The following HAUS7 variants were observed in gnomAD, a reference collection of about 807,000 sequenced individuals.
The protein encoded by HAUS7 is HAUS augmin-like complex subunit 7.
Under a neutral mutation model 28.4 loss-of-function variants are expected in HAUS7, and 3 were observed. The ratio of observed to expected loss-of-function variants is 0.11; its 90% confidence interval spans 0.05 to 0.27. HAUS7 has a LOEUF of 0.27. Among genes scored for constraint, HAUS7 ranks in the 10% least tolerant of loss-of-function variants. The probability of loss-of-function intolerance (pLI) is 1.00; values close to 1 mark genes in which losing one functional copy is unlikely to be tolerated. For missense variants in HAUS7, 284 were observed against 297.3 expected, an observed-to-expected ratio of 0.96 and a Z score of 0.33; for synonymous variants, 165 against 132.1, an observed-to-expected ratio of 1.25 and a Z score of -1.71.
chrX:153,467,635 T>G (rs1177945131), intron 2 of HAUS7, among the ~76,000 whole-genome samples: 1 of 112,426 alleles, frequency 8.9e-6, no homozygotes, highest in Non-Finnish European at 1.9e-5. Context: ...GTGCATCATT[T>G]CTGCTGAACC....
chrX:153,471,502 C>T (rs1173461895), upstream of HAUS7, among the ~76,000 whole-genome samples: 1 of 112,676 alleles, frequency 8.9e-6, no homozygotes, highest in Non-Finnish European at 1.9e-5. Context: ...TCAGTCGCTC[C>T]TCCCCCAGAC....
intron 8 of HAUS7, 65 bp from the exon 9 acceptor site, chrX:153,454,573 T>A: frequency 1.6e-6 from 1 of 627,780 alleles, no homozygotes; most frequent in Non-Finnish European, 2.5e-6. Context: ...ATGCCGCTGG[T>A]CTCACGTAGC....
At chrX:153,451,097 C>T (rs1246652909) in intron 9 of HAUS7, among the ~76,000 whole-genome samples, 5 of 112,091 alleles carry the variant, frequency 4.5e-5, no homozygotes, top group African/African-American at 1.6e-4. Flanking sequence ...CCAAAGTGGC[C>T]GGGGCTCAAG....
chrX:153,470,131 GATCCCTAAGGCCAGGCCTGGGTCCTC>G (rs2089502658), intron 1 of HAUS7, among the ~76,000 whole-genome samples: 1 of 113,078 alleles, frequency 8.8e-6, no homozygotes, highest in Non-Finnish European at 1.9e-5. Flanking sequence ...GACCCCGCAA[GATCCCTAAGGCCAGGCCTGGGTCCTC>G]TGTGTCTGCA....
chrX:153,474,810 C>G, upstream of HAUS7, among the ~76,000 whole-genome samples: 1 of 108,166 alleles, frequency 9.2e-6, no homozygotes, highest in South Asian at 3.9e-4. Context: ...CGGGGGCGAG[C>G]GCTGCTGCAC....
chrX:153,485,115 G>A (rs2089627547), intron 1 of HAUS7, among the ~76,000 whole-genome samples: 3 of 112,307 alleles, frequency 2.7e-5, no homozygotes, highest in Admixed American at 9.3e-5. Flanking sequence ...TGGAGCGACC[G>A]GGGGCTCCCA....
rs988814448 is a variant in HAUS7, at chrX:153,486,520, C to T, written c.-589+8854G>A. 48 of 602,143 alleles carry T rather than the reference C, an allele frequency of 8.0e-5. No homozygotes were observed. In the African/African-American group the frequency reaches 9.0e-4, roughly 11 times the overall value. The allele number at this position is 602,143 out of a possible 1,213,427, so 49.6% of individuals were successfully genotyped here. ...CCTCCACAGTTCCGATTCTGTGGCTCGGTCTTACTGCTTCTCTCAGGGCAG... is the reference window on the plus strand; with the variant it reads ...CCTCCACAGTTCCGATTCTGTGGCTTGGTCTTACTGCTTCTCTCAGGGCAG... On this transcript the variant is annotated intron_variant, in intron 1 of 5. Transcript: ENST00000370210.
intron 1 of HAUS7, chrX:153,482,585 C>A: frequency 1.4e-6 from 1 of 716,219 alleles, no homozygotes; most frequent in Non-Finnish European, 1.7e-6. Context: ...GTGCCCAGGG[C>A]AGCCTGGCTG....
At chrX:153,460,701 G>A (rs534240176) in intron 4 of HAUS7, among the ~76,000 whole-genome samples, 2 of 112,070 alleles carry the variant, frequency 1.8e-5, no homozygotes, top group African/African-American at 6.5e-5. Flanking sequence ...GTGCTCCCAC[G>A]GCTGGGCAGA....
chrX:153,476,122 G>A (rs1556986227), intron 1 of HAUS7, among the ~76,000 whole-genome samples: 1 of 112,209 alleles, frequency 8.9e-6, no homozygotes, highest in Non-Finnish European at 1.9e-5. Flanking sequence ...CCAGCCCACC[G>A]CCACAGACAC....
chrX:153,460,372 G>A (rs1235079236), intron 4 of HAUS7, among the ~76,000 whole-genome samples: 3 of 111,696 alleles, frequency 2.7e-5, no homozygotes, highest in South Asian at 3.7e-4. Context: ...CCACTAAATC[G>A]TACGCTTTAA....
intron 1 of HAUS7, chrX:153,486,092 A>G: frequency 1.1e-6 from 1 of 945,418 alleles, no homozygotes; most frequent in Non-Finnish European, 1.4e-6. Context: ...CCACAACAGG[A>G]TCAGGTAGGG....
chrX:153,471,890 C>A (rs1471807103), upstream of HAUS7, among the ~76,000 whole-genome samples: 1 of 112,814 alleles, frequency 8.9e-6, no homozygotes, highest in Non-Finnish European at 1.9e-5. Flanking sequence ...CACGTGGCTG[C>A]TGCCTCAGGC....
intron 1 of HAUS7, among the ~76,000 whole-genome samples, chrX:153,489,384 C>G (rs2089658210): frequency 8.8e-6 from 1 of 113,016 alleles, no homozygotes; most frequent in Non-Finnish European, 1.9e-5. Context: ...TCTGTGATTA[C>G]TGTGCTCCTC....
At chrX:153,487,189 C>T (rs1172154659) in intron 1 of HAUS7, 1 of 202,649 alleles carries the variant, frequency 4.9e-6, no homozygotes, top group Non-Finnish European at 9.0e-6. Flanking sequence ...TCCCCACCCC[C>T]ACCCTGCCTC....
intron 1 of HAUS7, among the ~76,000 whole-genome samples, chrX:153,469,541 T>C (rs928432062): frequency 8.9e-6 from 1 of 112,790 alleles, no homozygotes; most frequent in African/African-American, 3.2e-5. Context: ...TTGGCCAGGC[T>C]GGTGTCAAAC....
chrX:153,485,707 G>C (rs1556988337), intron 1 of HAUS7: 2 of 709,471 alleles, frequency 2.8e-6, no homozygotes, highest in Non-Finnish European at 1.7e-6. Context: ...GCAGCCCCTG[G>C]AACTCCCCTC....
chrX:153,470,951 G>A (rs1556985213), upstream of HAUS7: 5 of 336,421 alleles, frequency 1.5e-5, no homozygotes, highest in Non-Finnish European at 2.9e-5. Context: ...TGCCGGCCGG[G>A]AATGATGATG....
intron 1 of HAUS7, among the ~76,000 whole-genome samples, chrX:153,489,942 G>A (rs976985071): frequency 8.9e-5 from 10 of 112,803 alleles, no homozygotes; most frequent in African/African-American, 2.9e-4. Context: ...ATGGCCACAC[G>A]GGGACAGTCT....
Sources: gnomAD v4.1 joint callset for allele counts (sites outside exome capture counted in the v4.1 genomes callset) on GRCh38, gnomAD v4.1.1 for gene constraint, MANE v1.5 for transcripts, NCBI Gene and HGNC (gene_info 2026-07-23, HGNC 2026-07-21) for gene names.